The following GGA3 variants were observed in gnomAD, a reference collection of about 807,000 sequenced individuals.
The protein encoded by GGA3 is ADP-ribosylation factor-binding protein GGA3.
A neutral mutation model predicts 77.5 loss-of-function variants in GGA3; 57 were observed. That is an observed-to-expected ratio of 0.74 (90% CI 0.59 to 0.92). GGA3 has a LOEUF of 0.92. Among genes scored for constraint, GGA3 ranks in the 40% least tolerant of loss-of-function variants. The pLI is 0.00. For missense variants in GGA3, 970 were observed against 914.9 expected (o/e 1.06, Z -0.78); for synonymous variants, 416 against 383.7 (o/e 1.08, Z -0.98).
intron 1 of GGA3, among the ~76,000 whole-genome samples, chr17:75,253,343 G>A (rs1282038330): frequency 3.3e-5 from 5 of 152,122 alleles, no homozygotes; most frequent in South Asian, 2.1e-4. Flanking sequence ...CGTTTTATCC[G>A]TGGACCCAAA....
intron 1 of GGA3, among the ~76,000 whole-genome samples, chr17:75,260,554 C>G (rs1014183736): frequency 6.6e-6 from 1 of 152,144 alleles, no homozygotes; most frequent in Non-Finnish European, 1.5e-5. Flanking sequence ...GGGTTTCTTA[C>G]TAGGAAAAAT....
intron 1 of GGA3, among the ~76,000 whole-genome samples, chr17:75,255,051 C>T (rs891241896): frequency 1.9e-4 from 29 of 152,228 alleles, no homozygotes; most frequent in Non-Finnish European, 5.9e-5. Context: ...AAGACTGACG[C>T]TGCCCGATCG....
intron 5 of GGA3, 21 bp downstream of exon 5, chr17:75,243,426 T>C: frequency 6.2e-7 from 1 of 1,613,824 alleles, no homozygotes; most frequent in Non-Finnish European, 8.5e-7. Flanking sequence ...GCCTGGAGGC[T>C]GCGGGCAGGC....
chr17:75,253,546 G>A (rs191905831), intron 1 of GGA3, among the ~76,000 whole-genome samples: 2 of 151,928 alleles, frequency 1.3e-5, no homozygotes, highest in Middle Eastern at 3.4e-3. Flanking sequence ...CCTTCTCTCC[G>A]TGTCTCTACC....
intron 3 of GGA3, among the ~76,000 whole-genome samples, chr17:75,244,925 G>A (rs1163320521): frequency 6.6e-6 from 1 of 152,090 alleles, no homozygotes; most frequent in Non-Finnish European, 1.5e-5. Context: ...GCAAACCTCT[G>A]CTGGGGAAGC....
At position 75,239,542 on chromosome 17, in the gene GGA3, G is replaced by C; in HGVS notation, c.1613C>G (p.Ser538Cys). ...VTSGLVKPTT[S>C]PLIPTTTPAR... is the part of the protein sequence containing the mutation. ...TGGGGTGGTGGTGGGGATGAGAGGGGAGGTAGTGGGTTTCACCAAGCCCGA... is the reference window on the plus strand; with the variant it reads ...TGGGGTGGTGGTGGGGATGAGAGGGCAGGTAGTGGGTTTCACCAAGCCCGA... The change falls in exon 14 of 17, where the codon TCC becomes TGC. Residue 538 changes from serine (S) to cysteine (C), a missense_variant. Ser to Cys is a moderately radical substitution (Grantham distance 112, BLOSUM62 -1). Coordinates refer to ENST00000537686, the MANE Select transcript of GGA3 (RefSeq NM_138619.4). The C allele has an allele frequency of 6.4e-7, 1 of 1,561,764 alleles. No individual in the cohort carries two copies. The highest frequency in any genetic ancestry group is 8.7e-7 in the Non-Finnish European group (1 of 1,153,886).
chr17:75,238,088 G>A lies in GGA3; in HGVS notation c.*191C>T. On this transcript the variant is annotated 3_prime_UTR_variant, in exon 17 of 17. Coordinates refer to ENST00000537686, the MANE Select transcript of GGA3 (RefSeq NM_138619.4). The stretch of plus-strand genomic sequence containing the variant: ...AAGTCACACAGGTAGATAAAAACAG[G>A]TCCTTTTAGGGGCCAAAGGAGAGGT... 2 of 1,393,210 alleles carry A rather than the reference G, an allele frequency of 1.4e-6. No homozygotes were observed. The highest frequency in any genetic ancestry group is 5.3e-4 in the Middle Eastern group (2 of 3,758). 86.3% of individuals were successfully genotyped at this position (1,393,210 alleles called of 1,614,324 possible).
intron 1 of GGA3, among the ~76,000 whole-genome samples, chr17:75,260,857 G>C (rs2077336618): frequency 6.6e-6 from 1 of 151,598 alleles, no homozygotes; most frequent in Non-Finnish European, 1.5e-5. Flanking sequence ...GTGCTCCTCA[G>C]CCTTACTCAG....
chr17:75,253,199 G>C (rs922392295), intron 1 of GGA3, among the ~76,000 whole-genome samples: 11 of 152,138 alleles, frequency 7.2e-5, no homozygotes, highest in African/African-American at 2.7e-4. Flanking sequence ...TTTTAAATCA[G>C]GTAGGCGGCC....
chr17:75,261,725 G>A (rs192755888), upstream of GGA3: 6,529 of 1,136,272 alleles, frequency 5.7e-3, 366 homozygotes, highest in Admixed American at 0.11. Context: ...GATACAGGGA[G>A]GGCAAGGGTT....
intron 1 of GGA3, chr17:75,248,755 C>G: frequency 7.0e-6 from 5 of 712,786 alleles, no homozygotes; most frequent in Non-Finnish European, 8.6e-6. Flanking sequence ...CATTGCACTC[C>G]AGCCTGGGCA....
chr17:75,240,786 C>A, intron 11 of GGA3, 26 bp downstream of exon 11: 1 of 1,587,202 alleles, frequency 6.3e-7, no homozygotes, highest in South Asian at 1.1e-5. Context: ...TCAGGGGATG[C>A]CCCTGACGCC....
At chr17:75,261,499 G>GGGCA (rs1017631327) in intron 1 of GGA3, 49 bp downstream of exon 1, 1 of 1,446,802 alleles carries the variant, frequency 6.9e-7, no homozygotes, top group Admixed American at 2.5e-5. Flanking sequence ...GTGAAGACAG[G>GGGCA]GGCAGCCCAG....
chr17:75,240,001 G>A lies in GGA3; in HGVS notation c.1371C>T (p.Ser457=). Residue 457 remains serine (S), a synonymous_variant, in exon 13 of 17, where the codon TCC becomes TCT. Transcript: ENST00000537686. The part of the protein sequence containing the change: ...LQPSAPSSSS[S]QAPLPPPFPA... ...GGAAGGGAGGCGGCAGTGGAGCTTGGGAGCTGCTTGAGGAGGGGGCTGAGG... is the reference window on the plus strand; with the variant it reads ...GGAAGGGAGGCGGCAGTGGAGCTTGAGAGCTGCTTGAGGAGGGGGCTGAGG... 1 of 1,554,138 alleles carries A rather than the reference G, an allele frequency of 6.4e-7. No homozygotes were observed.
At chr17:75,241,783 C>G in intron 8 of GGA3, 87 bp from the exon 9 acceptor site, 2 of 1,156,034 alleles carry the variant, frequency 1.7e-6, no homozygotes, top group Non-Finnish European at 2.6e-6. Flanking sequence ...AGAAAATGAC[C>G]GGGATATGCC....
upstream of GGA3, chr17:75,261,807 A>G: frequency 7.3e-7 from 1 of 1,370,622 alleles, no homozygotes; most frequent in Non-Finnish European, 1.0e-6. Context: ...AGAAACGCAG[A>G]TTTAGGACCC....
intron 16 of GGA3, 62 bp downstream of exon 16, chr17:75,238,590 G>T (rs1473054027): frequency 8.2e-7 from 1 of 1,214,132 alleles, no homozygotes. Context: ...TGGTGGGCCT[G>T]ACGTCCTAAT....
At chr17:75,243,340 G>T in intron 5 of GGA3, 107 bp downstream of exon 5, 1 of 1,415,612 alleles carries the variant, frequency 7.1e-7, no homozygotes, top group Non-Finnish European at 9.8e-7. Flanking sequence ...GGGGACAAAT[G>T]CTGTTCTCTT....
chr17:75,255,028 G>A (rs1443667141), intron 1 of GGA3, among the ~76,000 whole-genome samples: 4 of 152,156 alleles, frequency 2.6e-5, no homozygotes, highest in Admixed American at 1.3e-4. Context: ...AGATCTTCTC[G>A]GCTTAACGGC....
Sources: gnomAD v4.1 joint callset for allele counts (sites outside exome capture counted in the v4.1 genomes callset) on GRCh38, gnomAD v4.1.1 for gene constraint, MANE v1.5 for transcripts, NCBI Gene and HGNC (gene_info 2026-07-23, HGNC 2026-07-21) for gene names.